PLCZ1: variants seen among roughly 807,000 people sequenced by gnomAD.
PLCZ1 encodes the protein phospholipase C zeta 1.
In PLCZ1, 64 loss-of-function variants were observed where a neutral mutation model predicts 76.8. That is an observed-to-expected ratio of 0.83 (90% CI 0.68 to 1.03). The LOEUF (loss-of-function observed/expected upper bound fraction) is 1.03, where lower values mean the gene tolerates loss of function less well. Among genes scored for constraint, PLCZ1 ranks in the 50% least tolerant of loss-of-function variants. The probability of loss-of-function intolerance (pLI) is 0.00; values close to 1 mark genes in which losing one functional copy is unlikely to be tolerated. For missense variants in PLCZ1, 751 were observed against 713.7 expected, an observed-to-expected ratio of 1.05 and a Z score of -0.60; for synonymous variants, 248 against 230.8, an observed-to-expected ratio of 1.07 and a Z score of -0.68.
Position 18,694,922 on chromosome 12 carries a change from T to C in PLCZ1, c.1449A>G (p.Thr483=), listed in dbSNP as rs372122204. 6.3e-7 allele frequency: 1 copy of C among 1,593,292 alleles called. No homozygotes were observed. Among genetic ancestry groups the C allele is most frequent in the Non-Finnish European group, 8.6e-7 (1 of 1,163,018 alleles). Residue 483 remains threonine (T), a synonymous_variant, in exon 12 of 15, where the codon ACA becomes ACG. Coordinates refer to ENST00000266505, the MANE Select transcript of PLCZ1 (RefSeq NM_033123.4). ...TTATTAATCTTACCCTTATTGTAAG[T>C]GTAATTGGCATACCCTCTTTTATGT... ...PSNIKEGMPI[T]LTIRLISGIQ...
At chr12:18,729,562 C>A (rs1188870181) in intron 3 of PLCZ1, among the ~76,000 whole-genome samples, 2 of 151,956 alleles carry the variant, frequency 1.3e-5, no homozygotes, top group African/African-American at 2.4e-5. Context: ...AGACTCAGGG[C>A]AAATCCAATT....
intron 13 of PLCZ1, among the ~76,000 whole-genome samples, chr12:18,687,644 G>T (rs963532815): frequency 2.0e-5 from 3 of 151,996 alleles, no homozygotes; most frequent in Non-Finnish European, 2.9e-5. Flanking sequence ...GGCTTCTATG[G>T]CATCCTTAGC....
At chr12:18,692,711 G>T in intron 12 of PLCZ1, 1 of 783,716 alleles carries the variant, frequency 1.3e-6, no homozygotes, top group South Asian at 1.6e-5. Flanking sequence ...TACAGACTTT[G>T]AATCATCAAC....
intron 5 of PLCZ1, among the ~76,000 whole-genome samples, chr12:18,716,160 A>G (rs1333162773): frequency 6.6e-6 from 1 of 152,102 alleles, no homozygotes; most frequent in East Asian, 1.9e-4. Flanking sequence ...TTTGATTATG[A>G]CGGTAAATTG....
At chr12:18,701,821 A>C (rs1447727120) in intron 7 of PLCZ1, 45 bp from the exon 8 acceptor site, 1 of 1,561,162 alleles carries the variant, frequency 6.4e-7, no homozygotes, top group African/African-American at 1.4e-5. Flanking sequence ...TTACAAGTAA[A>C]TTTGCATTGT....
At chr12:18,694,876 C>A in intron 12 of PLCZ1, 34 bp downstream of exon 12, 1 of 1,497,324 alleles carries the variant, frequency 6.7e-7, no homozygotes, top group Non-Finnish European at 9.2e-7. Flanking sequence ...TATATAATAA[C>A]CAAAAAATGT....
chr12:18,696,940 G>C (rs2137198540), intron 10 of PLCZ1, among the ~76,000 whole-genome samples: 1 of 152,152 alleles, frequency 6.6e-6, no homozygotes, highest in East Asian at 1.9e-4. Context: ...ACACAAACAG[G>C]AACAAACATA....
chr12:18,695,136 C>A, intron 11 of PLCZ1, 57 bp from the exon 12 acceptor site: 3 of 1,505,864 alleles, frequency 2.0e-6, no homozygotes, highest in Non-Finnish European at 2.8e-6. Context: ...AATAAAGGAA[C>A]ACAAACCACT....
rs200061726 is a variant in PLCZ1 at position 18,712,858 on chromosome 12, T to C, written c.698A>G (p.His233Arg). 6.2e-7 allele frequency: 1 copy of C among 1,613,834 alleles called. No individual in the cohort carries two copies. The highest frequency in any genetic ancestry group is 1.1e-5 in the South Asian group (1 of 91,076). ...TGTACATACCATGAATGCATACTTGTGTATAGCTTGGATAACAGTTTTAAA... is the reference window on the plus strand; with the variant it reads ...TGTACATACCATGAATGCATACTTGCGTATAGCTTGGATAACAGTTTTAAA... ...LLFKTVIQAI[H>R]KYAFMTSDYP... Residue 233 changes from histidine (H) to arginine (R), a missense_variant, in exon 6 of 15, where the codon CAC becomes CGC. His to Arg is a conservative substitution (Grantham distance 29). Coordinates refer to ENST00000266505, the MANE Select transcript of PLCZ1 (RefSeq NM_033123.4).
At chr12:18,671,988 C>T in the PLCZ1 span, among the ~76,000 whole-genome samples, 1 of 152,124 alleles carries the variant, frequency 6.6e-6, no homozygotes, top group Non-Finnish European at 1.5e-5. Context: ...AAATCCCATA[C>T]ATGAGGGCTA....
chr12:18,650,941 C>T, the PLCZ1 span, among the ~76,000 whole-genome samples: 10 of 151,588 alleles, frequency 6.6e-5, no homozygotes, highest in African/African-American at 2.4e-4. Context: ...GCTTACTCTG[C>T]TCCTTATAGT....
chr12:18,666,678 G>A, the PLCZ1 span, among the ~76,000 whole-genome samples: 2 of 152,108 alleles, frequency 1.3e-5, no homozygotes, highest in African/African-American at 2.4e-5. Context: ...CAGAGAAATA[G>A]AATACTTGAA....
chr12:18,691,083 T>C (rs1191337708), intron 12 of PLCZ1, among the ~76,000 whole-genome samples: 8 of 152,130 alleles, frequency 5.3e-5, no homozygotes, highest in Non-Finnish European at 4.4e-5. Flanking sequence ...AAATTCCTGA[T>C]ACAGGAGAGC....
At chr12:18,723,591 A>T (rs780201338) in intron 3 of PLCZ1, 49 bp from the exon 4 acceptor site, 1 of 1,326,180 alleles carries the variant, frequency 7.5e-7, no homozygotes. Flanking sequence ...TAAAAAATAC[A>T]TAAAATGAAT....
intron 12 of PLCZ1, chr12:18,693,278 G>C: frequency 6.6e-7 from 1 of 1,518,482 alleles, no homozygotes; most frequent in Non-Finnish European, 9.1e-7. Flanking sequence ...TGGATGACAT[G>C]GATCCCCTGG....
the PLCZ1 span, among the ~76,000 whole-genome samples, chr12:18,663,396 T>C: frequency 6.6e-6 from 1 of 152,132 alleles, no homozygotes; most frequent in Non-Finnish European, 1.5e-5. Context: ...ATAATAACTA[T>C]TTACATAACA....
intron 5 of PLCZ1, among the ~76,000 whole-genome samples, 164 bp downstream of exon 5, chr12:18,719,267 T>C (rs534823632): frequency 6.6e-6 from 1 of 152,280 alleles, no homozygotes; most frequent in South Asian, 2.1e-4. Context: ...TTCATCCAAA[T>C]GTTGGATCTT....
chr12:18,685,675 T>A (rs1484258212), intron 13 of PLCZ1: 1 of 515,482 alleles, frequency 1.9e-6, no homozygotes, highest in Non-Finnish European at 3.9e-6. Flanking sequence ...AGAGAAATAA[T>A]TTCATGGGGT....
chr12:18,686,246 T>C (rs1953134397), intron 13 of PLCZ1, among the ~76,000 whole-genome samples: 1 of 151,896 alleles, frequency 6.6e-6, no homozygotes, highest in South Asian at 2.1e-4. Flanking sequence ...GTATACTTCT[T>C]CTCAAATCTG....
Sources: gnomAD v4.1 joint callset for allele counts (sites outside exome capture counted in the v4.1 genomes callset) on GRCh38, gnomAD v4.1.1 for gene constraint, MANE v1.5 for transcripts, NCBI Gene and HGNC (gene_info 2026-07-23, HGNC 2026-07-21) for gene names.